The following AHI1 variants were observed in gnomAD, a reference collection of about 807,000 sequenced individuals.
The protein encoded by AHI1 is jouberin.
Under a neutral mutation model 149.3 loss-of-function variants are expected in AHI1, and 123 were observed. The ratio of observed to expected loss-of-function variants is 0.82; its 90% confidence interval spans 0.71 to 0.96. The LOEUF is 0.96. AHI1 is among the 40% of genes least tolerant of loss of function. AHI1 has a pLI of 0.00. For missense variants in AHI1, 1,439 were observed against 1,422.7 expected (o/e 1.01, Z -0.18); for synonymous variants, 475 against 459.8 (o/e 1.03, Z -0.42).
intron 26 of AHI1, among the ~76,000 whole-genome samples, chr6:135,317,731 T>C (rs2128375127): frequency 6.6e-6 from 1 of 152,272 alleles, no homozygotes; most frequent in African/African-American, 2.4e-5. Flanking sequence ...CAATAAAACA[T>C]GCTGACTGAC....
chr6:135,490,295 T>A (rs1321327321), intron 5 of AHI1: 2 of 707,256 alleles, frequency 2.8e-6, no homozygotes, highest in African/African-American at 3.5e-5. Flanking sequence ...GTTAAGATAC[T>A]ACTTCCTAAG....
chr6:135,392,272 A>G (rs1778616636), intron 23 of AHI1, among the ~76,000 whole-genome samples: 1 of 152,220 alleles, frequency 6.6e-6, no homozygotes, highest in Admixed American at 6.5e-5. Flanking sequence ...GAATAAATGA[A>G]GCATTCTAGA....
chr6:135,291,173 CAG>C (rs1213139778), intron 27 of AHI1, among the ~76,000 whole-genome samples: 24 of 151,982 alleles, frequency 1.6e-4, no homozygotes, highest in African/African-American at 5.8e-4. Flanking sequence ...AAGAATGGAA[CAG>C]AGTATCTTCT....
chr6:135,422,973 CAGATAGCTTA>C (rs1783425174), intron 20 of AHI1, among the ~76,000 whole-genome samples: 1 of 152,070 alleles, frequency 6.6e-6, no homozygotes. Context: ...GTGCCTAAGA[CAGATAGCTTA>C]ATGCACTGAG....
At chr6:135,450,385 G>A (rs915508049) in intron 11 of AHI1, among the ~76,000 whole-genome samples, 1 of 152,186 alleles carries the variant, frequency 6.6e-6, no homozygotes, top group Non-Finnish European at 1.5e-5. Flanking sequence ...GTTAAGGAAT[G>A]ATGCATCAAC....
At chr6:135,472,793 T>C (rs958128185) in intron 5 of AHI1, among the ~76,000 whole-genome samples, 2 of 115,420 alleles carry the variant, frequency 1.7e-5, no homozygotes, top group Non-Finnish European at 4.3e-5. Flanking sequence ...ATAGCTGTCC[T>C]TTCGTTAAGT....
intron 23 of AHI1, among the ~76,000 whole-genome samples, chr6:135,363,041 T>TTTA (rs772520434): frequency 0.016 from 2,326 of 148,584 alleles, 24 homozygotes; most frequent in African/African-American, 0.026. Context: ...TTTATTTTAT[T>TTTA]TTATTATTAT....
intron 18 of AHI1, among the ~76,000 whole-genome samples, chr6:135,429,007 C>T (rs535187388): frequency 6.6e-6 from 1 of 151,586 alleles, no homozygotes; most frequent in Non-Finnish European, 1.5e-5. Flanking sequence ...GGATGTAGAA[C>T]ATACTGCAAA....
chr6:135,318,320 T>C, intron 26 of AHI1, 199 bp downstream of exon 26: 1 of 501,658 alleles, frequency 2.0e-6, no homozygotes. Context: ...TACTTTAACC[T>C]CTCTGGGCCT....
chr6:135,474,632 T>C (rs1267341652), intron 5 of AHI1: 1 of 152,172 alleles, frequency 6.6e-6, no homozygotes, highest in African/African-American at 2.4e-5. Flanking sequence ...GGTTTAAGAA[T>C]GAGTAATAAA....
intron 24 of AHI1, among the ~76,000 whole-genome samples, chr6:135,343,921 T>G (rs147373716): frequency 1.3e-5 from 2 of 151,992 alleles, no homozygotes; most frequent in South Asian, 2.1e-4. Flanking sequence ...AAAAATTTTG[T>G]GTGTCAAAGG....
At chr6:135,495,012 G>C (rs527627495) in intron 3 of AHI1, among the ~76,000 whole-genome samples, 4 of 152,264 alleles carry the variant, frequency 2.6e-5, no homozygotes, top group African/African-American at 9.6e-5. Flanking sequence ...AATGGAAGGT[G>C]ACACCTGTAG....
chr6:135,486,913 G>A (rs933305365), intron 5 of AHI1, among the ~76,000 whole-genome samples: 4 of 151,940 alleles, frequency 2.6e-5, no homozygotes, highest in South Asian at 2.1e-4. Flanking sequence ...GACTACAGGC[G>A]CATGCCACCA....
At chr6:135,384,655 A>C (rs1193066479) in intron 23 of AHI1, among the ~76,000 whole-genome samples, 1 of 152,198 alleles carries the variant, frequency 6.6e-6, no homozygotes, top group Non-Finnish European at 1.5e-5. Flanking sequence ...TATTATTAAA[A>C]GTGTTATTTG....
intron 26 of AHI1, among the ~76,000 whole-genome samples, chr6:135,310,880 T>G (rs1302037654): frequency 6.6e-6 from 1 of 151,130 alleles, no homozygotes; most frequent in Non-Finnish European, 1.5e-5. Flanking sequence ...TTGGGTTTTG[T>G]TTTTTAGAAA....
At position 135,382,700 on chromosome 6, in the gene AHI1, T is replaced by C. The variant is rs1056281378; in HGVS notation, c.3109+12076A>G. Among the ~76,000 whole-genome samples the C allele has an allele frequency of 4.0e-5, 6 of 151,834 alleles. No homozygotes were observed. The South Asian group carries it at 1.2e-3, about 31-fold the overall frequency. On this transcript the variant is annotated intron_variant, in intron 23 of 28. Coordinates refer to ENST00000265602, the MANE Select transcript of AHI1 (RefSeq NM_001134831.2). ...AGCTTTCAGTAGACACAAACTAAAATGTTTAAAAACTAAAAATTTCTTGTC... is the reference window on the plus strand; with the variant it reads ...AGCTTTCAGTAGACACAAACTAAAACGTTTAAAAACTAAAAATTTCTTGTC...
chr6:135,374,521 C>T (rs894579541), intron 23 of AHI1, among the ~76,000 whole-genome samples: 18 of 151,948 alleles, frequency 1.2e-4, no homozygotes, highest in African/African-American at 4.4e-4. Context: ...AATTTTATAT[C>T]TAGTAAGTCC....
In AHI1 at chr6:135,323,299, G is replaced by A. The variant is rs769705227; in HGVS notation, c.3191C>T (p.Ala1064Val). Residue 1064 changes from alanine (A) to valine (V), a missense_variant, in exon 25 of 29, where the codon GCG becomes GTG. By Grantham distance (64) the Ala-to-Val change is moderately conservative. Coordinates refer to ENST00000265602, the MANE Select transcript of AHI1 (RefSeq NM_001134831.2). ...PTVVALYDYT[A>V]NRSDELTIHR... ...GATGGTTAGTTCATCTGATCGATTC[G>A]CTGTGTAGTCATAAAGAGCCACTAC... 2.5e-6 allele frequency: 4 copies of A among 1,613,358 alleles called. No homozygotes were observed. The South Asian group carries it at 3.3e-5, about 13-fold the overall frequency.
intron 27 of AHI1, among the ~76,000 whole-genome samples, chr6:135,294,629 C>CA (rs1782825369): frequency 7.5e-6 from 1 of 133,116 alleles, no homozygotes; most frequent in African/African-American, 2.9e-5. Flanking sequence ...AGCAAAGGTG[C>CA]AAAGGCCATT....
Sources: gnomAD v4.1 joint callset for allele counts (sites outside exome capture counted in the v4.1 genomes callset) on GRCh38, gnomAD v4.1.1 for gene constraint, MANE v1.5 for transcripts, NCBI Gene and HGNC (gene_info 2026-07-23, HGNC 2026-07-21) for gene names.